ALPK3: variants seen among roughly 807,000 people sequenced by gnomAD.
ALPK3 encodes alpha kinase 3, also known as alpha-protein kinase 3.
Under a neutral mutation model 140.0 loss-of-function variants are expected in ALPK3, and 102 were observed. The ratio of observed to expected loss-of-function variants is 0.73; its 90% CI spans 0.62 to 0.86. The LOEUF is 0.86. Ranked by LOEUF, ALPK3 falls within the 40% of genes least tolerant of loss-of-function variation. ALPK3 has a pLI of 0.00. For missense variants in ALPK3, 2,254 were observed against 2,208.2 expected (o/e 1.02, Z -0.42); for synonymous variants, 938 against 898.5 (o/e 1.04, Z -0.79).
In ALPK3 at chr15:84,817,481, G is replaced by A; in HGVS notation, c.29G>A (p.Gly10Asp). 2 of 1,423,988 alleles carry A rather than the reference G, an allele frequency of 1.4e-6. No individual in the cohort carries two copies. The highest frequency in any genetic ancestry group is 3.1e-5 in the East Asian group (1 of 32,604). The allele number at this position is 1,423,988 out of a possible 1,614,324, so 88.2% of individuals were successfully genotyped here. MGSRRAPSR[G>D]WGAGGRSGAG... ...GGGTCGCGGAGGGCCCCCAGCCGGG[G>A]CTGGGGCGCGGGTGGGCGGTCGGGG... Residue 10 changes from glycine (G) to aspartate (D), a missense_variant, in exon 1 of 14, where the codon GGC becomes GAC. Physicochemically the swap from Gly to Asp is moderately conservative, Grantham distance 94 (BLOSUM62 -1). Transcript: ENST00000258888.
intron 9 of ALPK3, among the ~76,000 whole-genome samples, chr15:84,861,669 T>C (rs1184763615): frequency 6.6e-6 from 1 of 152,214 alleles, no homozygotes; most frequent in Non-Finnish European, 1.5e-5. Context: ...TAGCTGATTT[T>C]TTTCTGTAAA....
intron 5 of ALPK3, among the ~76,000 whole-genome samples, chr15:84,844,191 G>C (rs2141559590): frequency 6.6e-6 from 1 of 152,262 alleles, no homozygotes; most frequent in South Asian, 2.1e-4. Flanking sequence ...TTGCACCACT[G>C]CACTCCAGCC....
At chr15:84,821,067 C>G (rs138962878) in intron 1 of ALPK3, among the ~76,000 whole-genome samples, 6 of 152,080 alleles carry the variant, frequency 3.9e-5, no homozygotes, top group African/African-American at 1.4e-4. Flanking sequence ...CTCTTTAAAG[C>G]TTTTCTGCCC....
chr15:84,868,049 GCCCC>G lies in ALPK3; in HGVS notation c.4773-59_4773-56del, dbSNP rs1027452181. The G allele has an allele frequency of 2.0e-6, 3 of 1,512,252 alleles. No homozygotes were observed. In the East Asian group the frequency reaches 6.8e-5, roughly 34 times the overall value. 93.7% of individuals were successfully genotyped at this position (1,512,252 alleles called of 1,614,324 possible). On this transcript the variant is annotated intron_variant, in intron 13 of 13. Transcript: ENST00000258888. ...CCTGATGATGGCCACCCCAGAGTCC[GCCCC>G]CCAAGGAACTGTGTCTCTGGTTGGG...
chr15:84,828,564 C>T (rs1963513576), intron 3 of ALPK3, among the ~76,000 whole-genome samples: 1 of 152,140 alleles, frequency 6.6e-6, no homozygotes, highest in South Asian at 2.1e-4. Context: ...TGAATTCTGG[C>T]GGACTTGATT....
intron 3 of ALPK3, 60 bp downstream of exon 3, chr15:84,827,665 G>A: frequency 1.3e-6 from 2 of 1,596,704 alleles, no homozygotes; most frequent in Non-Finnish European, 1.7e-6. Flanking sequence ...GGTCCAAGGA[G>A]GCTGTGAGGA....
chr15:84,830,441 T>C (rs997004424), intron 3 of ALPK3, among the ~76,000 whole-genome samples: 2 of 152,242 alleles, frequency 1.3e-5, no homozygotes, highest in African/African-American at 2.4e-5. Flanking sequence ...GCAGAGGGCA[T>C]AGTGATGGCA....
At chr15:84,843,567 G>A (rs1596151013) in intron 5 of ALPK3, among the ~76,000 whole-genome samples, 1 of 152,102 alleles carries the variant, frequency 6.6e-6, no homozygotes, top group Admixed American at 6.6e-5. Context: ...TTAGTCTCAC[G>A]GTATTGAGTT....
chr15:84,858,133 G>A lies in ALPK3; in HGVS notation c.3395G>A (p.Ser1132Asn), dbSNP rs374108436. 2 of 1,596,252 alleles carry A rather than the reference G, an allele frequency of 1.3e-6. No homozygotes were observed. The highest frequency in any genetic ancestry group is 2.7e-5 in the African/African-American group (2 of 74,208). ...AAPGQGPSAE[S>N]IAQEPSQEEK... ...CCTGGACAGGGGCCCTCAGCAGAGA[G>A]CATAGCCCAGGAGCCCTCCCAAGAG... Residue 1132 changes from serine to asparagine, a missense_variant, in exon 6 of 14, where the codon AGC becomes AAC. Physicochemically the swap from Ser to Asn is conservative, Grantham distance 46 (BLOSUM62 1). Around this residue, in one of 3 missense-constraint regions of ALPK3, gnomAD observed 2,088 missense variants for 2,022.9 expected, o/e 1.03. Coordinates refer to ENST00000258888, the MANE Select transcript of ALPK3 (RefSeq NM_020778.5).
chr15:84,856,759 C>T lies in ALPK3; in HGVS notation c.2021C>T (p.Thr674Ile). The change falls in exon 6 of 14, where the codon ACA (threonine) becomes ATA (isoleucine). Residue 674 changes from threonine to isoleucine, a missense_variant. Physicochemically the swap from Thr to Ile is moderately conservative, Grantham distance 89. Around this residue, in one of 3 missense-constraint regions of ALPK3, gnomAD observed 2,088 missense variants for 2,022.9 expected, o/e 1.03. Transcript: ENST00000258888. ...QGRAETQLET[T>I]QAGEKIQEDR... is the part of the protein sequence containing the mutation. Reference sequence around the variant, plus strand: ...AGGGCAGAGACACAGCTAGAAACAACACAGGCAGGTGAGAAGATACAGGAA... The same window carrying T: ...AGGGCAGAGACACAGCTAGAAACAATACAGGCAGGTGAGAAGATACAGGAA... 6.2e-7 allele frequency: 1 copy of T among 1,614,110 alleles called. No homozygotes were observed.
rs751621074 is a variant in ALPK3 at position 84,857,415 on chromosome 15, A to C, written c.2677A>C (p.Ser893Arg). The change falls in exon 6 of 14, where the codon AGC becomes CGC. Residue 893 changes from serine (S) to arginine (R), a missense_variant. Transcript: ENST00000258888. ...TAGCACCCCGACTTCTCAGCACGGGAGCACAGCCACCTTCCTGCCCTCTGA... is the reference window on the plus strand; with the variant it reads ...TAGCACCCCGACTTCTCAGCACGGGCGCACAGCCACCTTCCTGCCCTCTGA... The part of the protein sequence containing the change: ...PCSTPTSQHG[S>R]TATFLPSEDQ... 6.2e-7 allele frequency: 1 copy of C among 1,614,034 alleles called. No individual in the cohort carries two copies. The highest frequency in any genetic ancestry group is 2.2e-5 in the East Asian group (1 of 44,888).
At chr15:84,839,594 C>A in intron 4 of ALPK3, 108 bp from the exon 5 acceptor site, 1 of 1,233,366 alleles carries the variant, frequency 8.1e-7, no homozygotes, top group Non-Finnish European at 1.1e-6. Context: ...GCAGGGCTTG[C>A]TGTAGGGAGG....
At chr15:84,846,749 T>C (rs1963735571) in intron 5 of ALPK3, among the ~76,000 whole-genome samples, 1 of 152,164 alleles carries the variant, frequency 6.6e-6, no homozygotes, top group African/African-American at 2.4e-5. Context: ...ATTTTATTCA[T>C]TTTTTATTTT....
chr15:84,838,380 T>G (rs1021891283), intron 3 of ALPK3, among the ~76,000 whole-genome samples: 3 of 152,126 alleles, frequency 2.0e-5, no homozygotes, highest in Non-Finnish European at 4.4e-5. Flanking sequence ...TTCTGGAAAC[T>G]CCTTGTCTCC....
At chr15:84,836,124 G>C (rs1444719400) in intron 3 of ALPK3, among the ~76,000 whole-genome samples, 3 of 152,246 alleles carry the variant, frequency 2.0e-5, no homozygotes, top group Non-Finnish European at 2.9e-5. Flanking sequence ...CCTCTCTAGG[G>C]AAGTAACAGA....
chr15:84,842,941 G>T (rs1418160168), intron 5 of ALPK3, among the ~76,000 whole-genome samples: 2 of 152,176 alleles, frequency 1.3e-5, no homozygotes, highest in Non-Finnish European at 1.5e-5. Context: ...GGCTCTCATA[G>T]GCCCTCATAG....
chr15:84,845,601 C>T (rs911205382), intron 5 of ALPK3, among the ~76,000 whole-genome samples: 5 of 152,200 alleles, frequency 3.3e-5, no homozygotes, highest in African/African-American at 7.2e-5. Context: ...TTTCTGGGCT[C>T]ATCCCCAGAT....
At chr15:84,866,154 A>C (rs528731177) in intron 12 of ALPK3, among the ~76,000 whole-genome samples, 2 of 152,284 alleles carry the variant, frequency 1.3e-5, no homozygotes, top group African/African-American at 4.8e-5. Context: ...ATATTTGTGA[A>C]AACCTGCTGC....
chr15:84,859,103 C>T (rs1963905846), intron 6 of ALPK3, 140 bp from the exon 7 acceptor site: 22 of 1,177,434 alleles, frequency 1.9e-5, no homozygotes, highest in South Asian at 1.6e-4. Flanking sequence ...CAGGAGGCAC[C>T]GGGGGGCTGT....
Sources: allele counts gnomAD v4.1 joint callset (sites outside exome capture counted in the v4.1 genomes callset), GRCh38; gene constraint gnomAD v4.1.1; regional missense constraint gnomAD v4.1.1; transcripts MANE v1.5; gene names NCBI Gene and HGNC (gene_info 2026-07-23, HGNC 2026-07-21).